TRPC7: variants seen among roughly 807,000 people sequenced by gnomAD.
TRPC7 encodes the protein short transient receptor potential channel 7.
Under a neutral mutation model 90.1 loss-of-function variants are expected in TRPC7, and 42 were observed. The ratio of observed to expected loss-of-function variants is 0.47; its 90% CI spans 0.36 to 0.60. TRPC7 has a LOEUF of 0.60. Ranked by LOEUF, TRPC7 falls within the 20% of genes least tolerant of loss-of-function variation. TRPC7 has a pLI of 0.00. For missense variants in TRPC7, 955 were observed against 1,112.3 expected (o/e 0.86, Z 2.01); for synonymous variants, 451 against 436.3 (o/e 1.03, Z -0.42).
chr5:136,238,143 T>C (rs928017323), intron 7 of TRPC7, among the ~76,000 whole-genome samples: 4 of 152,248 alleles, frequency 2.6e-5, no homozygotes, highest in Admixed American at 6.5e-5. Flanking sequence ...TCAGTCAGCA[T>C]GTGCTCCACG....
chr5:136,329,992 C>T (rs1426544130), intron 2 of TRPC7, among the ~76,000 whole-genome samples: 1 of 152,190 alleles, frequency 6.6e-6, no homozygotes, highest in Non-Finnish European at 1.5e-5. Flanking sequence ...CACATACCCA[C>T]ACACCACCTT....
At chr5:136,224,747 C>T (rs1755573721) in intron 10 of TRPC7, among the ~76,000 whole-genome samples, 1 of 152,162 alleles carries the variant, frequency 6.6e-6, no homozygotes, top group Admixed American at 6.5e-5. Context: ...TACCCTCTCC[C>T]CCATCCTGAC....
At chr5:136,354,623 C>G (rs1465136446) in intron 2 of TRPC7, among the ~76,000 whole-genome samples, 1 of 152,208 alleles carries the variant, frequency 6.6e-6, no homozygotes. Context: ...ATTTACCAGA[C>G]AAGTTAATTT....
intron 2 of TRPC7, among the ~76,000 whole-genome samples, chr5:136,335,691 C>T (rs892396136): frequency 1.3e-5 from 2 of 151,814 alleles, no homozygotes; most frequent in African/African-American, 4.8e-5. Context: ...ATCACGAGGT[C>T]AGGAGATCGA....
intron 2 of TRPC7, among the ~76,000 whole-genome samples, chr5:136,321,526 C>A (rs187604480): frequency 7.4e-4 from 113 of 152,248 alleles, no homozygotes; most frequent in African/African-American, 2.6e-3. Context: ...ACACCAAACT[C>A]ATGTCAAATG....
chr5:136,345,563 A>C (rs1580979975), intron 2 of TRPC7, among the ~76,000 whole-genome samples: 1 of 152,192 alleles, frequency 6.6e-6, no homozygotes, highest in Non-Finnish European at 1.5e-5. Flanking sequence ...TCCGCCTCAA[A>C]AAAAAAAATG....
chr5:136,222,862 G>A (rs1452968309), intron 10 of TRPC7, among the ~76,000 whole-genome samples: 2 of 152,182 alleles, frequency 1.3e-5, no homozygotes, highest in Non-Finnish European at 1.5e-5. Context: ...TCCCTCATCT[G>A]TTACATGGGG....
chr5:136,290,375 A>C (rs1757896839), intron 3 of TRPC7, among the ~76,000 whole-genome samples: 1 of 152,224 alleles, frequency 6.6e-6, no homozygotes, highest in South Asian at 2.1e-4. Context: ...ACCAATGGCA[A>C]AGAAGTTAAA....
chr5:136,299,348 T>C (rs1178997740), intron 3 of TRPC7, among the ~76,000 whole-genome samples: 2 of 137,292 alleles, frequency 1.5e-5, no homozygotes, highest in African/African-American at 2.7e-5. Context: ...TGCGTGTGTG[T>C]GTGTGTGTGT....
intron 11 of TRPC7, among the ~76,000 whole-genome samples, chr5:136,214,687 C>T (rs1755204105): frequency 6.6e-6 from 1 of 152,132 alleles, no homozygotes; most frequent in Non-Finnish European, 1.5e-5. Flanking sequence ...TGTTGTCTGC[C>T]CCTAAACCAT....
chr5:136,322,036 A>G (rs954537), intron 2 of TRPC7, among the ~76,000 whole-genome samples: 30,304 of 151,474 alleles, frequency 0.2, 4,340 homozygotes, highest in African/African-American at 0.4. Context: ...TTTTTTTAAG[A>G]CGGAGTTTCA....
chr5:136,230,699 T>A (rs1435375565), intron 8 of TRPC7, among the ~76,000 whole-genome samples: 1 of 152,230 alleles, frequency 6.6e-6, no homozygotes, highest in Non-Finnish European at 1.5e-5. Flanking sequence ...GTTCATGCCT[T>A]TTAGATTTTG....
chr5:136,316,587 C>T (rs547926596), intron 2 of TRPC7, among the ~76,000 whole-genome samples: 1 of 152,256 alleles, frequency 6.6e-6, no homozygotes, highest in African/African-American at 2.4e-5. Flanking sequence ...TTTCTCTCTT[C>T]CTTTCCCTAG....
At chr5:136,229,531 C>T (rs959411994) in intron 8 of TRPC7, among the ~76,000 whole-genome samples, 3 of 152,042 alleles carry the variant, frequency 2.0e-5, no homozygotes, top group Non-Finnish European at 2.9e-5. Flanking sequence ...AATGAGGTCA[C>T]GAGGATGGGG....
intron 3 of TRPC7, among the ~76,000 whole-genome samples, chr5:136,294,310 G>A (rs1214353285): frequency 6.6e-6 from 1 of 152,154 alleles, no homozygotes; most frequent in East Asian, 1.9e-4. Context: ...AAACTAAAGA[G>A]CTTCTGCACA....
chr5:136,292,731 A>G (rs1340250196), intron 3 of TRPC7, among the ~76,000 whole-genome samples: 6 of 152,226 alleles, frequency 3.9e-5, no homozygotes, highest in Non-Finnish European at 7.3e-5. Context: ...AGGAGCTGGT[A>G]CCATTCCTTC....
At position 136,274,797 on chromosome 5, in the gene TRPC7, A is replaced by C; in HGVS notation, c.1004T>G (p.Met335Arg). ...HPNCQQQLLTMWYENLSGLRQ... is the reference protein window; with the variant it reads ...HPNCQQQLLTRWYENLSGLRQ... ...TAAGCCTGAGAGATTTTCATACCAC[A>C]TGGTAAGCAATTGCTGCTGACAGTT... is the stretch of plus-strand genomic sequence containing the variant. Residue 335 changes from methionine to arginine, a missense_variant, in exon 4 of 12, where the codon ATG (methionine) becomes AGG (arginine). Physicochemically the swap from Met to Arg is moderately conservative, Grantham distance 91. Coordinates refer to ENST00000513104, the MANE Select transcript of TRPC7 (RefSeq NM_020389.3). 6.3e-7 allele frequency: 1 copy of C among 1,587,756 alleles called. No homozygotes were observed. Among genetic ancestry groups the C allele is most frequent in the Non-Finnish European group, 8.6e-7 (1 of 1,166,626 alleles).
rs746322819 is a variant in TRPC7, at chr5:136,356,992, C to T, written c.396G>A (p.Ala132=). The change falls in exon 2 of 12, where the codon GCG becomes GCA. Residue 132 remains alanine (A), a synonymous_variant. Coordinates refer to ENST00000513104, the MANE Select transcript of TRPC7 (RefSeq NM_020389.3). ...VEAILNHPAF[A]QGQRLTLSPL... ...GGCTGAGCGTCAGGCGCTGGCCCTG[C>T]GCGAAGGCCGGGTGGTTGAGGATGG... is the stretch of plus-strand genomic sequence containing the variant. The T allele has an allele frequency of 5.0e-6, 8 of 1,612,240 alleles. No homozygotes were observed. Among genetic ancestry groups the T allele is most frequent in the Non-Finnish European group, 6.8e-6 (8 of 1,179,798 alleles).
chr5:136,213,889 T>C (rs1332580689), intron 11 of TRPC7, among the ~76,000 whole-genome samples: 2 of 152,252 alleles, frequency 1.3e-5, no homozygotes, highest in African/African-American at 4.8e-5. Flanking sequence ...GTGAATTGTG[T>C]CTAGCACTTG....
Sources: gnomAD v4.1 joint callset for allele counts (sites outside exome capture counted in the v4.1 genomes callset) on GRCh38, gnomAD v4.1.1 for gene constraint, MANE v1.5 for transcripts, NCBI Gene and HGNC (gene_info 2026-07-23, HGNC 2026-07-21) for gene names.